The following ZC3H7B variants were observed in gnomAD, a reference collection of about 807,000 sequenced individuals.
ZC3H7B encodes the protein zinc finger CCCH domain-containing protein 7B.
ZC3H7B carries 35 observed loss-of-function variants against 116.0 expected under a neutral mutation model. That is an observed-to-expected ratio of 0.30 (90% CI 0.23 to 0.40). The LOEUF is 0.40. Among genes scored for constraint, ZC3H7B ranks in the 10% least tolerant of loss-of-function variants. The pLI, the probability that ZC3H7B is intolerant of heterozygous loss-of-function variation, is 1.00. For missense variants in ZC3H7B, 1,011 were observed against 1,321.5 expected (o/e 0.77, Z 3.64); for synonymous variants, 502 against 545.6 (o/e 0.92, Z 1.11).
At position 41,349,844 on chromosome 22, in the gene ZC3H7B, A is replaced by G. The variant is rs1472359172; in HGVS notation, c.1948+543A>G. On this transcript the variant is annotated intron_variant, in intron 16 of 22. Transcript: ENST00000352645. The surrounding 1 kb of genome is among the most constrained non-coding windows in gnomAD (Gnocchi z 4.9). ...CTACATTTATAAGTGGGGGCCAGAC[A>G]GATAATATATCAACAGGTGAATAAA... 6.6e-6 allele frequency among the ~76,000 whole-genome samples: 1 copy of G among 152,250 alleles called. No homozygotes were observed. The highest frequency in any genetic ancestry group is 1.5e-5 in the Non-Finnish European group (1 of 68,036).
chr22:41,323,928 G>C (rs554329537), intron 2 of ZC3H7B, among the ~76,000 whole-genome samples: 1 of 152,294 alleles, frequency 6.6e-6, no homozygotes, highest in African/African-American at 2.4e-5. Context: ...AAATTAGCCA[G>C]GCGTGGTGGC....
chr22:41,322,333 G>A (rs753213134), intron 2 of ZC3H7B, among the ~76,000 whole-genome samples: 3 of 151,318 alleles, frequency 2.0e-5, no homozygotes, highest in African/African-American at 4.9e-5. Flanking sequence ...GATTACAGGC[G>A]CCTGCCACCA....
At position 41,358,034 on chromosome 22, in the gene ZC3H7B, C is replaced by A; in HGVS notation, c.*605C>A. 1 of 154,706 alleles carries A rather than the reference C, an allele frequency of 6.5e-6. No individual in the cohort carries two copies. Among genetic ancestry groups the A allele is most frequent in the Non-Finnish European group, 1.4e-5 (1 of 69,604 alleles). 9.6% of individuals were successfully genotyped at this position (154,706 alleles called of 1,614,324 possible). A position where few individuals can be genotyped will look rare whatever the true frequency, so the allele number is the denominator to read the frequency against. ...AGCTTAAGGAGTCCCAGCCCTTTCTCTGATGCCACCACCTGAACCCTGCTC... is the reference window on the plus strand; with the variant it reads ...AGCTTAAGGAGTCCCAGCCCTTTCTATGATGCCACCACCTGAACCCTGCTC... On this transcript the variant is annotated 3_prime_UTR_variant, in exon 23 of 23. Transcript: ENST00000352645.
Position 41,339,098 on chromosome 22 carries a change from C to T in ZC3H7B, c.723C>T (p.Asp241=). 6.2e-7 allele frequency: 1 copy of T among 1,613,396 alleles called. No homozygotes were observed. The change falls in exon 9 of 23, where the codon GAC becomes GAT. Residue 241 remains aspartate, a synonymous_variant. Transcript: ENST00000352645. The part of the protein sequence containing the change: ...PHVLDLLAPL[D]SSRTLPSTDS... ...TTCTGGACCTGCTGGCCCCCCTGGA[C>T]AGCAGCAGGACCCTCCCCAGCACCG...
chr22:41,321,825 C>A (rs1203886080), intron 2 of ZC3H7B, among the ~76,000 whole-genome samples: 1 of 107,554 alleles, frequency 9.3e-6, no homozygotes, highest in African/African-American at 3.9e-5. Context: ...TCAAAACTCA[C>A]ATTCTTTTTT....
At chr22:41,311,072 T>G (rs1239690202) in intron 1 of ZC3H7B, among the ~76,000 whole-genome samples, 4 of 151,082 alleles carry the variant, frequency 2.6e-5, no homozygotes, top group Non-Finnish European at 5.9e-5. Flanking sequence ...GCCTCACTTT[T>G]TTTTTTTTTT....
intron 13 of ZC3H7B, 94 bp downstream of exon 13, chr22:41,343,670 A>C: frequency 7.0e-7 from 1 of 1,423,546 alleles, no homozygotes; most frequent in Non-Finnish European, 9.2e-7. Context: ...TAGACAGAAC[A>C]GGGGTGGGCC....
At chr22:41,339,270 G>A (rs1343421188) in intron 9 of ZC3H7B, 79 bp downstream of exon 9, 32 of 1,493,932 alleles carry the variant, frequency 2.1e-5, no homozygotes, top group Admixed American at 4.0e-5. Context: ...GTGGAGGGAA[G>A]GCCCCAATGC....
intron 4 of ZC3H7B, among the ~76,000 whole-genome samples, chr22:41,326,632 C>T (rs1199827183): frequency 2.0e-5 from 3 of 152,190 alleles, no homozygotes; most frequent in Non-Finnish European, 4.4e-5. Context: ...TCCTCCTCTC[C>T]TCCTTAGAGC....
chr22:41,355,451 C>G lies in ZC3H7B; in HGVS notation c.2035-18C>G, dbSNP rs1438245014. The G allele has an allele frequency of 6.2e-7, 1 of 1,613,204 alleles. No individual in the cohort carries two copies. The highest frequency in any genetic ancestry group is 8.5e-7 in the Non-Finnish European group (1 of 1,179,604). ...GGTGCCTGCAGCTTCACCAACCCCC[C>G]TCCCCATCCCCCCACAGGGTGCTCC... On this transcript the variant is annotated intron_variant, in intron 17 of 22. Transcript: ENST00000352645.
At chr22:41,354,642 G>A (rs533770609) in intron 17 of ZC3H7B, among the ~76,000 whole-genome samples, 71 of 152,296 alleles carry the variant, frequency 4.7e-4, no homozygotes, top group African/African-American at 1.6e-3. Flanking sequence ...GACAGCTGGT[G>A]CATTCACAGA....
At chr22:41,322,633 C>T (rs904502286) in intron 2 of ZC3H7B, among the ~76,000 whole-genome samples, 8 of 152,248 alleles carry the variant, frequency 5.3e-5, no homozygotes, top group Non-Finnish European at 1.2e-4. Flanking sequence ...CTCACTTGCA[C>T]GAGCCCCTTC....
intron 13 of ZC3H7B, 89 bp from the exon 14 acceptor site, chr22:41,345,914 A>C: frequency 2.2e-6 from 3 of 1,361,758 alleles, no homozygotes; most frequent in Non-Finnish European, 2.1e-6. Flanking sequence ...TCATGGGGCC[A>C]GAGCCCCACA....
At chr22:41,312,346 T>A (rs2036129664) in intron 1 of ZC3H7B, among the ~76,000 whole-genome samples, 3 of 151,612 alleles carry the variant, frequency 2.0e-5, no homozygotes, top group Admixed American at 2.0e-4. Flanking sequence ...CACATTCCTG[T>A]AGTCCCAGCT....
intron 1 of ZC3H7B, among the ~76,000 whole-genome samples, chr22:41,314,034 C>G (rs986366514): frequency 6.6e-6 from 1 of 151,232 alleles, no homozygotes; most frequent in South Asian, 2.1e-4. Flanking sequence ...GGATTATAGG[C>G]GTCAGCTACC....
chr22:41,347,736 C>T (rs1342115419), intron 14 of ZC3H7B, among the ~76,000 whole-genome samples: 1 of 152,216 alleles, frequency 6.6e-6, no homozygotes, highest in Non-Finnish European at 1.5e-5. Flanking sequence ...AATCATAGTT[C>T]ATAGCCAGGT....
At chr22:41,322,092 G>C (rs2036264766) in intron 2 of ZC3H7B, among the ~76,000 whole-genome samples, 1 of 151,460 alleles carries the variant, frequency 6.6e-6, no homozygotes, top group Admixed American at 6.6e-5. Context: ...GCCCGCCTCG[G>C]CCTCCCAAAG....
chr22:41,309,827 T>C (rs188455053), intron 1 of ZC3H7B, among the ~76,000 whole-genome samples: 10 of 152,192 alleles, frequency 6.6e-5, no homozygotes, highest in African/African-American at 2.2e-4. Context: ...TGGTTATTTG[T>C]TGAATAAATG....
chr22:41,309,783 A>G (rs1391022197), intron 1 of ZC3H7B, among the ~76,000 whole-genome samples: 1 of 152,044 alleles, frequency 6.6e-6, no homozygotes, highest in Non-Finnish European at 1.5e-5. Flanking sequence ...TTCCCCTAGC[A>G]CCTGGTAGGG....
Sources: allele counts gnomAD v4.1 joint callset (sites outside exome capture counted in the v4.1 genomes callset), GRCh38; gene constraint gnomAD v4.1.1; non-coding constraint Gnocchi (gnomAD v3.1); transcripts MANE v1.5; gene names NCBI Gene and HGNC (gene_info 2026-07-23, HGNC 2026-07-21).